The following AKT3 variants were observed in gnomAD, a reference collection of about 807,000 sequenced individuals.
AKT3 encodes RAC-gamma serine/threonine-protein kinase.
AKT3 carries 15 observed loss-of-function variants against 65.3 expected under a neutral mutation model. The ratio of observed to expected loss-of-function variants is 0.23; its 90% CI spans 0.15 to 0.35. The LOEUF is 0.35. Ranked by LOEUF, AKT3 falls within the 10% of genes least tolerant of loss-of-function variation. The pLI is 1.00. For missense variants in AKT3, 243 were observed against 576.5 expected (o/e 0.42, Z 5.92); for synonymous variants, 206 against 183.8 (o/e 1.12, Z -0.98).
intron 12 of AKT3, among the ~76,000 whole-genome samples, chr1:243,517,044 T>G (rs959453762): frequency 3.3e-5 from 5 of 152,228 alleles, no homozygotes; most frequent in East Asian, 1.9e-4. Context: ...GTGTTTTCGT[T>G]TTCAGTCCAT....
At chr1:243,826,409 G>T (rs1469772630) in intron 2 of AKT3, among the ~76,000 whole-genome samples, 2 of 152,100 alleles carry the variant, frequency 1.3e-5, no homozygotes, top group Non-Finnish European at 2.9e-5. Context: ...GCCATCTCCC[G>T]CTACAGAAAT....
chr1:243,729,276 G>T (rs1572240232), intron 2 of AKT3, among the ~76,000 whole-genome samples: 1 of 152,258 alleles, frequency 6.6e-6, no homozygotes, highest in East Asian at 1.9e-4. Context: ...TTTTAGGATG[G>T]AAGATACTAT....
At chr1:243,493,548 G>A (rs927220438) in intron 13 of AKT3, among the ~76,000 whole-genome samples, 1 of 152,006 alleles carries the variant, frequency 6.6e-6, no homozygotes, top group Non-Finnish European at 1.5e-5. Flanking sequence ...TCCTGAGCAG[G>A]CTGCTTGGTT....
At chr1:243,556,466 T>C (rs12077468) in intron 10 of AKT3, among the ~76,000 whole-genome samples, 67 of 152,196 alleles carry the variant, frequency 4.4e-4, no homozygotes, top group African/African-American at 1.5e-3. Context: ...GGGACCCCTC[T>C]CTCAGCTTGC....
At chr1:243,625,030 C>A in intron 6 of AKT3, 1 of 357,400 alleles carries the variant, frequency 2.8e-6, no homozygotes, top group Non-Finnish European at 5.8e-6. Flanking sequence ...CGGTCAGCTT[C>A]CAGGTATTAC....
chr1:243,802,145 C>G (rs915862986), intron 2 of AKT3, among the ~76,000 whole-genome samples: 2 of 152,164 alleles, frequency 1.3e-5, no homozygotes, highest in Middle Eastern at 3.2e-3. Flanking sequence ...TTCCAAATGC[C>G]TGGTCAGAAT....
At chr1:243,801,752 A>T (rs1692394551) in intron 2 of AKT3, among the ~76,000 whole-genome samples, 1 of 152,222 alleles carries the variant, frequency 6.6e-6, no homozygotes, top group Non-Finnish European at 1.5e-5. Context: ...TTAATCTACT[A>T]TTTCAAAAAA....
At chr1:243,627,585 C>A (rs949911217) in intron 6 of AKT3, among the ~76,000 whole-genome samples, 4 of 152,046 alleles carry the variant, frequency 2.6e-5, no homozygotes, top group Non-Finnish European at 5.9e-5. Context: ...GTATCAGAAA[C>A]CTAAGAACAA....
chr1:243,524,560 A>ACATTCACTGGTAATTCACACTG (rs1670925638), intron 12 of AKT3, among the ~76,000 whole-genome samples: 2 of 152,250 alleles, frequency 1.3e-5, no homozygotes, highest in Non-Finnish European at 2.9e-5. Flanking sequence ...ACTAACCATA[A>ACATTCACTGGTAATTCACACTG]CATTCACTGG....
intron 6 of AKT3, among the ~76,000 whole-genome samples, chr1:243,635,391 A>G (rs1679901472): frequency 6.6e-6 from 1 of 151,960 alleles, no homozygotes; most frequent in African/African-American, 2.4e-5. Context: ...AAATAAATTA[A>G]CCCAAAGCAA....
In AKT3 at chr1:243,815,268, A is replaced by G. The variant is rs373013901; in HGVS notation, c.46+27857T>C. ...ACCAGGTAGCTTCTTCAACATTCTG[A>G]TAAGAAATCTCCTTAGCTAGATCAC... On this transcript the variant is annotated intron_variant, in intron 2 of 13. Transcript: ENST00000673466. 1.1e-3 allele frequency among the ~76,000 whole-genome samples: 167 copies of G among 152,288 alleles called. No individual in the cohort carries two copies. The Middle Eastern group carries it at 0.014, about 12-fold the overall frequency.
chr1:243,670,691 A>G (rs1185354424), intron 3 of AKT3, among the ~76,000 whole-genome samples: 1 of 152,186 alleles, frequency 6.6e-6, no homozygotes, highest in African/African-American at 2.4e-5. Flanking sequence ...CCAGGTAGCT[A>G]ACTCTTATTA....
intron 13 of AKT3, among the ~76,000 whole-genome samples, chr1:243,508,784 G>A (rs896534837): frequency 1.3e-5 from 2 of 150,258 alleles, no homozygotes; most frequent in African/African-American, 2.5e-5. Context: ...TCCTGCCTCA[G>A]CCTCCCGAGT....
intron 6 of AKT3, 82 bp downstream of exon 6, chr1:243,637,529 A>G (rs1680064365): frequency 1.6e-6 from 2 of 1,242,912 alleles, no homozygotes; most frequent in Admixed American, 2.6e-5. Flanking sequence ...ATTTGCATAC[A>G]TTAGCATGTA....
intron 2 of AKT3, among the ~76,000 whole-genome samples, chr1:243,791,850 T>C (rs1162602274): frequency 6.6e-6 from 1 of 152,212 alleles, no homozygotes; most frequent in African/African-American, 2.4e-5. Context: ...CTAATACAGC[T>C]GAGCTCATTT....
At chr1:243,711,488 A>T (rs1686155234) in intron 2 of AKT3, among the ~76,000 whole-genome samples, 1 of 152,194 alleles carries the variant, frequency 6.6e-6, no homozygotes, top group Non-Finnish European at 1.5e-5. Flanking sequence ...CCCTAAATAA[A>T]CATAAGGTTC....
chr1:243,810,581 G>A (rs892749299), intron 2 of AKT3, among the ~76,000 whole-genome samples: 12 of 152,098 alleles, frequency 7.9e-5, no homozygotes, highest in Admixed American at 6.5e-4. Flanking sequence ...ATTCACAGCC[G>A]AATTCTACCA....
At chr1:243,658,434 G>GT (rs368901252) in intron 4 of AKT3, among the ~76,000 whole-genome samples, 1 of 151,978 alleles carries the variant, frequency 6.6e-6, no homozygotes, top group Non-Finnish European at 1.5e-5. Flanking sequence ...TATGGCTGTT[G>GT]TTTTTAAAAA....
At chr1:243,641,110 G>T (rs776142061) in intron 5 of AKT3, among the ~76,000 whole-genome samples, 4 of 152,038 alleles carry the variant, frequency 2.6e-5, no homozygotes, top group Non-Finnish European at 4.4e-5. Context: ...TGTGCTGGAG[G>T]CTTCCTGCCC....
Sources: allele counts gnomAD v4.1 joint callset (sites outside exome capture counted in the v4.1 genomes callset), GRCh38; gene constraint gnomAD v4.1.1; transcripts MANE v1.5; gene names NCBI Gene and HGNC (gene_info 2026-07-23, HGNC 2026-07-21).